The following SERINC4 variants were observed in gnomAD, a reference collection of about 807,000 sequenced individuals.
SERINC4 encodes the protein serine incorporator 4.
SERINC4 carries 52 observed loss-of-function variants against 52.0 expected under a neutral mutation model. The observed-to-expected ratio is 1.00, with a 90% CI of 0.80 to 1.26. The LOEUF (loss-of-function observed/expected upper bound fraction) is 1.26. Among genes scored for constraint, SERINC4 ranks in the 50% most tolerant of loss-of-function variants. The pLI, the probability that SERINC4 is intolerant of heterozygous loss-of-function variation, is 0.00. For missense variants in SERINC4, 723 were observed against 632.8 expected (o/e 1.14, Z -1.53); for synonymous variants, 264 against 247.7 (o/e 1.07, Z -0.62).
At chr15:43,795,584 A>C in intron 10 of SERINC4, 43 bp from the exon 11 acceptor site, 2 of 1,613,050 alleles carry the variant, frequency 1.2e-6, no homozygotes, top group South Asian at 1.1e-5. Context: ...CTGCTGAAAC[A>C]CCTCTTCCCC....
chr15:43,796,834 C>A lies in SERINC4; in HGVS notation c.940+11G>T. ...GGTCTTAGCATGGAGAATCCAGGTC[C>A]TGTCCCTTACCTCTCTCTGGAGGAC... On this transcript the variant is annotated intron_variant, in intron 7 of 11. Transcript: ENST00000319327. 6.2e-7 allele frequency: 1 copy of A among 1,613,624 alleles called. No homozygotes were observed.
chr15:43,796,952 G>C lies in SERINC4; in HGVS notation c.845-12C>G. ...AGAGCGGGGTTGCTCTGGGGAGTAA[G>C]TATAATTGCTTTAGTCTACAGGCTG... On this transcript the variant is annotated splice_polypyrimidine_tract_variant and intron_variant, in intron 6 of 11. Coordinates refer to ENST00000319327, the MANE Select transcript of SERINC4 (RefSeq NM_001258031.2). 6.2e-7 allele frequency: 1 copy of C among 1,605,596 alleles called. No homozygotes were observed. The highest frequency in any genetic ancestry group is 8.5e-7 in the Non-Finnish European group (1 of 1,172,388).
rs2087268061 is a variant in SERINC4 at position 43,799,088 on chromosome 15, C to CA, written c.328dup (p.Cys110LeufsTer43). On this transcript the variant is annotated frameshift_variant, in exon 3 of 12. Transcript: ENST00000319327. LOFTEE classifies it high-confidence loss of function. ...AGCCCCAGAGCCACTGAGCACTGGA[C>CA]AGTCAGAGAGGCCAAACAGGTGGGC... 6.4e-7 allele frequency: 1 copy of CA among 1,550,408 alleles called. No homozygotes were observed. The highest frequency in any genetic ancestry group is 1.4e-5 in the African/African-American group (1 of 73,004).
At chr15:43,795,993 T>C in intron 9 of SERINC4, 162 bp downstream of exon 9, 2 of 660,404 alleles carry the variant, frequency 3.0e-6, no homozygotes, top group African/African-American at 1.8e-5. Context: ...TAAATGAGAT[T>C]ATGTAAAAGT....
In SERINC4 at chr15:43,799,448, G is replaced by A. The variant is rs1022160132; in HGVS notation, c.141C>T (p.Cys47=). 2 of 1,550,706 alleles carry A rather than the reference G, an allele frequency of 1.3e-6. No homozygotes were observed. The highest frequency in any genetic ancestry group is 1.7e-6 in the Non-Finnish European group (2 of 1,147,022). The change falls in exon 2 of 12, where the codon TGC becomes TGT. Residue 47 remains cysteine (C), a synonymous_variant. Transcript: ENST00000319327. ...CCGPAPCASC[C]HSRWPSLTAS... ...CGGTGAGAGAGGGCCACCTAGAGTG[G>A]CAGCAGCTGGCACAAGGAGCAGGCC...
rs2087162645 is a variant in SERINC4, at chr15:43,794,774, G to C, written c.*226C>G. 2.0e-6 allele frequency: 1 copy of C among 505,766 alleles called. No individual in the cohort carries two copies. Among genetic ancestry groups the C allele is most frequent in the South Asian group, 3.0e-5 (1 of 33,410 alleles). The allele number at this position is 505,766 out of a possible 1,614,324, so 31.3% of individuals were successfully genotyped here. A position where few individuals can be genotyped will look rare whatever the true frequency, so the allele number is the denominator to read the frequency against. On this transcript the variant is annotated 3_prime_UTR_variant, in exon 12 of 12. Coordinates refer to ENST00000319327, the MANE Select transcript of SERINC4 (RefSeq NM_001258031.2). ...CTTTGAGCTGCTGATTTGGGTGTTA[G>C]GCTCTTGAGCTGGGATGCAGATGTA...
rs921934761 is a variant in SERINC4 at position 43,796,212 on chromosome 15, G to A, written c.1083C>T (p.Tyr361=). 60 of 1,613,580 alleles carry A rather than the reference G, an allele frequency of 3.7e-5. No individual in the cohort carries two copies. Among genetic ancestry groups the A allele is most frequent in the Non-Finnish European group, 4.6e-5 (54 of 1,179,602 alleles). The part of the protein sequence containing the change: ...CVLFACNEAS[Y]LAEVFGPLWI... The stretch of plus-strand genomic sequence containing the variant: ...ACAGGGGTCCAAATACCTCAGCCAG[G>A]TAGGAGGCCTCATTGCTGAGAAAGA... The change falls in exon 9 of 12, where the codon TAC becomes TAT. Residue 361 remains tyrosine, a synonymous_variant. Coordinates refer to ENST00000319327, the MANE Select transcript of SERINC4 (RefSeq NM_001258031.2).
In SERINC4 at chr15:43,799,123, C is replaced by G; in HGVS notation, c.294G>C (p.Ser98=). 1 of 1,549,290 alleles carries G rather than the reference C, an allele frequency of 6.5e-7. No homozygotes were observed. Among genetic ancestry groups the G allele is most frequent in the Non-Finnish European group, 8.7e-7 (1 of 1,145,936 alleles). Reference sequence around the variant, plus strand: ...GGCCAAACAGGTGGGCACACAACCCCGAGGGCATCTGGATCTGGGAGTGTG... The same window carrying G: ...GGCCAAACAGGTGGGCACACAACCCGGAGGGCATCTGGATCTGGGAGTGTG... The part of the protein sequence containing the change: ...WGKTHRIQMP[S]GLCAHLFGLS... Residue 98 remains serine (S), a synonymous_variant, in exon 3 of 12, where the codon TCG becomes TCC. Transcript: ENST00000319327.
intron 8 of SERINC4, 29 bp downstream of exon 8, chr15:43,796,587 A>G (rs1385003743): frequency 1.2e-6 from 2 of 1,612,580 alleles, no homozygotes; most frequent in South Asian, 1.1e-5. Flanking sequence ...CCCTCCTTTC[A>G]TACCTCCACC....
chr15:43,796,084 T>G, intron 9 of SERINC4, 71 bp downstream of exon 9: 1 of 1,110,228 alleles, frequency 9.0e-7, no homozygotes, highest in Non-Finnish European at 1.4e-6. Flanking sequence ...TGGGTAGAGG[T>G]TGGTAGGATG....
At chr15:43,797,887 C>T in intron 5 of SERINC4, 33 bp downstream of exon 5, 1 of 1,522,454 alleles carries the variant, frequency 6.6e-7, no homozygotes, top group Non-Finnish European at 9.1e-7. Flanking sequence ...GAAACCTCCC[C>T]AGGAAAAGCC....
rs1161651955 is a variant in SERINC4 at position 43,799,472 on chromosome 15, C to A, written c.117G>T (p.Gly39=). The A allele has an allele frequency of 1.3e-6, 2 of 1,550,620 alleles. No homozygotes were observed. Among genetic ancestry groups the A allele is most frequent in the South Asian group, 2.4e-5 (2 of 84,066 alleles). Reference sequence around the variant, plus strand: ...GGCAGCAGCTGGCACAAGGAGCAGGCCCACAGCAGCACACCTGGGAGTAGA... The same window carrying A: ...GGCAGCAGCTGGCACAAGGAGCAGGACCACAGCAGCACACCTGGGAGTAGA... The part of the protein sequence containing the change: ...KSPFCQVCCC[G]PAPCASCCHS... Residue 39 remains glycine (G), a synonymous_variant, in exon 2 of 12, where the codon GGG becomes GGT. Transcript: ENST00000319327.
Position 43,799,962 on chromosome 15 carries a change from T to G in SERINC4, c.25A>C (p.Ser9Arg). 1 of 1,546,704 alleles carries G rather than the reference T, an allele frequency of 6.5e-7. No homozygotes were observed. The highest frequency in any genetic ancestry group is 1.2e-5 in the South Asian group (1 of 83,630). Residue 9 changes from serine (S) to arginine (R), a missense_variant, in exon 1 of 12, where the codon AGC becomes CGC. Transcript: ENST00000319327. ...GCCAGGCCCAGGGAGGTGCCGGGGCTGGGGCCGGCCTTGGCACCCACCATC... is the reference window on the plus strand; with the variant it reads ...GCCAGGCCCAGGGAGGTGCCGGGGCGGGGGCCGGCCTTGGCACCCACCATC... MVGAKAGP[S>R]PGTSLGLAQQ...
intron 6 of SERINC4, 84 bp from the exon 7 acceptor site, chr15:43,797,024 C>G (rs2043878): frequency 0.15 from 225,049 of 1,456,476 alleles, 22,090 homozygotes; most frequent in East Asian, 0.45. Flanking sequence ...GTCTCCCCAT[C>G]CTTTGGTGGG....
chr15:43,794,740 G>C lies in SERINC4; in HGVS notation c.*260C>G, dbSNP rs567698201. ...GGTGCCACACTGTCTGCTGGGATCA[G>C]CGGTGGTTCTTTGAGCTGCTGATTT... On this transcript the variant is annotated 3_prime_UTR_variant, in exon 12 of 12. Coordinates refer to ENST00000319327, the MANE Select transcript of SERINC4 (RefSeq NM_001258031.2). The C allele has an allele frequency of 9.1e-6, 4 of 439,360 alleles. No homozygotes were observed. The South Asian group carries it at 1.4e-4, about 15-fold the overall frequency. The allele number at this position is 439,360 out of a possible 1,614,324, so 27.2% of individuals were successfully genotyped here. A position where few individuals can be genotyped will look rare whatever the true frequency, so the allele number is the denominator to read the frequency against.
chr15:43,795,996 G>T (rs570003199), intron 9 of SERINC4, 159 bp downstream of exon 9: 1 of 669,232 alleles, frequency 1.5e-6, no homozygotes, highest in South Asian at 1.9e-5. Flanking sequence ...ATGAGATTAT[G>T]TAAAAGTATC....
chr15:43,798,381 G>C, intron 4 of SERINC4, 44 bp downstream of exon 4: 1 of 1,447,580 alleles, frequency 6.9e-7, no homozygotes, highest in Non-Finnish European at 9.7e-7. Context: ...TGTTATCTTA[G>C]AAAACTTAGC....
chr15:43,797,416 G>C (rs1397582575), intron 5 of SERINC4, 60 bp from the exon 6 acceptor site: 2 of 1,300,234 alleles, frequency 1.5e-6, no homozygotes, highest in Non-Finnish European at 2.1e-6. Flanking sequence ...TTTTGAGTTG[G>C]GAGTCTTGCT....
In SERINC4 at chr15:43,795,423, T is replaced by C. The variant is rs1484716813; in HGVS notation, c.1308A>G (p.Ser436=). The stretch of plus-strand genomic sequence containing the variant: ...TGGTAAGGGTAACCATGACATAGAG[T>C]GAGGCAAGGAAGAAGACGAAGTGGA... The part of the protein sequence containing the change: ...SAFHFVFFLA[S]LYVMVTLTNW... Residue 436 remains serine (S), a synonymous_variant, in exon 11 of 12, where the codon TCA becomes TCG. Transcript: ENST00000319327. 1.2e-6 allele frequency: 2 copies of C among 1,613,646 alleles called. No homozygotes were observed. Among genetic ancestry groups the C allele is most frequent in the Non-Finnish European group, 8.5e-7 (1 of 1,179,948 alleles).
Sources: allele counts gnomAD v4.1 joint callset, GRCh38; gene constraint gnomAD v4.1.1; transcripts MANE v1.5; gene names NCBI Gene and HGNC (gene_info 2026-07-23, HGNC 2026-07-21).